VWA8: variants seen among roughly 807,000 people sequenced by gnomAD.
The protein encoded by VWA8 is von Willebrand factor A domain-containing protein 8.
Under a neutral mutation model 241.5 loss-of-function variants are expected in VWA8, and 221 were observed. The ratio of observed to expected loss-of-function variants is 0.91; its 90% confidence interval spans 0.82 to 1.02. The LOEUF is 1.02. VWA8 is among the 50% of genes least tolerant of loss of function. The probability of loss-of-function intolerance (pLI) is 0.00; values close to 1 mark genes in which losing one functional copy is unlikely to be tolerated. For synonymous variants in VWA8, 852 were observed against 827.1 expected (o/e 1.03, Z -0.52); for missense variants, 2,322 against 2,328.7 (o/e 1.00, Z 0.06).
intron 40 of VWA8, among the ~76,000 whole-genome samples, chr13:41,602,494 T>G (rs937174767): frequency 3.3e-5 from 5 of 152,250 alleles, no homozygotes; most frequent in African/African-American, 9.6e-5. Flanking sequence ...ATTATGAGAA[T>G]TGACACAATG....
At chr13:41,813,269 CAGAA>C (rs753887574) in intron 16 of VWA8, among the ~76,000 whole-genome samples, 5 of 152,082 alleles carry the variant, frequency 3.3e-5, no homozygotes, top group African/African-American at 4.8e-5. Context: ...AGACAGGAAA[CAGAA>C]AGCTACTTCA....
chr13:41,657,029 G>A (rs141201664), intron 37 of VWA8, among the ~76,000 whole-genome samples: 1 of 152,198 alleles, frequency 6.6e-6, no homozygotes, highest in East Asian at 1.9e-4. Context: ...ATCAAAGTAT[G>A]CCATCCCTTT....
At chr13:41,805,454 C>G (rs1256257860) in intron 17 of VWA8, among the ~76,000 whole-genome samples, 1 of 151,870 alleles carries the variant, frequency 6.6e-6, no homozygotes, top group East Asian at 1.9e-4. Flanking sequence ...AGAGATAAAC[C>G]CCAATACAAT....
intron 37 of VWA8, among the ~76,000 whole-genome samples, chr13:41,665,287 CA>C: frequency 6.6e-6 from 1 of 152,090 alleles, no homozygotes; most frequent in Non-Finnish European, 1.5e-5. Context: ...TACTGTATTT[CA>C]TTCTTACAAC....
chr13:41,585,017 T>C (rs1222980179), intron 42 of VWA8, among the ~76,000 whole-genome samples: 1 of 152,060 alleles, frequency 6.6e-6, no homozygotes, highest in Non-Finnish European at 1.5e-5. Context: ...GTTTGTAATT[T>C]CGCGGAATTT....
At position 41,907,565 on chromosome 13, in the gene VWA8, C is replaced by T. The variant is rs1875778758; in HGVS notation, c.483+21G>A. 6.2e-6 allele frequency: 10 copies of T among 1,606,560 alleles called. No individual in the cohort carries two copies. The African/African-American group carries it at 6.7e-5, about 11-fold the overall frequency. On this transcript the variant is annotated intron_variant, in intron 4 of 44. Coordinates refer to ENST00000379310, the MANE Select transcript of VWA8 (RefSeq NM_015058.2). ...TAGACCTGGAGTACACAGTCATGGG[C>T]TAGAGTGTGACAGAACTTGCCTGAT... is the stretch of plus-strand genomic sequence containing the variant.
rs1868692497 is a variant in VWA8, at chr13:41,778,039, T to C, written c.2295A>G (p.Glu765=). The C allele has an allele frequency of 6.2e-7, 1 of 1,612,030 alleles. No individual in the cohort carries two copies. The highest frequency in any genetic ancestry group is 1.1e-5 in the South Asian group (1 of 90,756). ...CAAGGAGAAAGTCTTTCAGCATATC[T>C]TCCATCACTATCACATGCTAGAGAA... is the stretch of plus-strand genomic sequence containing the variant. ...YDNIQHVIVM[E]DMLKDFLLGE... is the part of the protein sequence containing the mutation. Residue 765 remains glutamate (E), a synonymous_variant, in exon 20 of 45, where the codon GAA becomes GAG. Coordinates refer to ENST00000379310, the MANE Select transcript of VWA8 (RefSeq NM_015058.2).
intron 37 of VWA8, among the ~76,000 whole-genome samples, chr13:41,630,018 G>A (rs1468457541): frequency 6.6e-6 from 1 of 152,110 alleles, no homozygotes; most frequent in Non-Finnish European, 1.5e-5. Flanking sequence ...ACCTCAGTGG[G>A]CATTTCTATT....
rs745573136 is a variant in VWA8 at position 41,570,712 on chromosome 13, G to A, written c.5371-6C>T. 1 of 1,605,526 alleles carries A rather than the reference G, an allele frequency of 6.2e-7. No homozygotes were observed. Among genetic ancestry groups the A allele is most frequent in the African/African-American group, 1.3e-5 (1 of 74,778 alleles). ...TGAGAGTGGGCATGCATTGTCTGGA[G>A]GTAAAAGAAGTTGCACAAAAGCCAT... On this transcript the variant is annotated splice_polypyrimidine_tract_variant and splice_region_variant and intron_variant, in intron 43 of 44. Coordinates refer to ENST00000379310, the MANE Select transcript of VWA8 (RefSeq NM_015058.2).
At chr13:41,571,235 G>C (rs781654686) in intron 43 of VWA8, among the ~76,000 whole-genome samples, 14 of 151,560 alleles carry the variant, frequency 9.2e-5, no homozygotes, top group Non-Finnish European at 1.6e-4. Flanking sequence ...CGGTCATTCT[G>C]CTTACCAATG....
chr13:41,573,486 A>AATAAATAAATATATATATATAT (rs1555303591), intron 43 of VWA8, among the ~76,000 whole-genome samples: 2 of 113,614 alleles, frequency 1.8e-5, no homozygotes, highest in African/African-American at 6.9e-5. Context: ...AAAAAAAAAA[A>AATAAATAAATATATATATATAT]ATATATATAT....
chr13:41,763,760 GA>G (rs2045759864), intron 20 of VWA8, among the ~76,000 whole-genome samples: 1 of 152,178 alleles, frequency 6.6e-6, no homozygotes, highest in South Asian at 2.1e-4. Context: ...GAAATGTCAT[GA>G]AAATGTGCTA....
chr13:41,695,199 C>T (rs2045208705), intron 29 of VWA8, among the ~76,000 whole-genome samples: 1 of 152,052 alleles, frequency 6.6e-6, no homozygotes, highest in Non-Finnish European at 1.5e-5. Context: ...ACCTCAATGT[C>T]CCTAAATCTG....
chr13:41,760,791 A>G (rs996025779), intron 21 of VWA8, among the ~76,000 whole-genome samples: 17 of 152,042 alleles, frequency 1.1e-4, no homozygotes, highest in Admixed American at 1.1e-3. Flanking sequence ...CTTGTGAGCT[A>G]TTTTAGCTGC....
In VWA8 at chr13:41,892,458, T is replaced by C. The variant is rs141935423; in HGVS notation, c.484-871A>G. On this transcript the variant is annotated intron_variant, in intron 4 of 44. Transcript: ENST00000379310. ...CATTAGTCTCCATGGCACTGCATTG[T>C]CCTAGGAAAATTGTTTTGTCTTCTG... 1.5e-3 allele frequency among the ~76,000 whole-genome samples: 229 copies of C among 152,296 alleles called. 2 individuals carry two copies. The highest frequency in any genetic ancestry group is 5.4e-3 in the African/African-American group (223 of 41,562).
intron 20 of VWA8, among the ~76,000 whole-genome samples, chr13:41,762,143 T>G (rs1463811988): frequency 6.6e-6 from 1 of 152,040 alleles, no homozygotes; most frequent in Non-Finnish European, 1.5e-5. Flanking sequence ...GCACTTCAGA[T>G]TTTGGATTTT....
At chr13:41,669,593 A>G (rs1166590184) in intron 37 of VWA8, among the ~76,000 whole-genome samples, 1 of 152,212 alleles carries the variant, frequency 6.6e-6, no homozygotes, top group African/African-American at 2.4e-5. Context: ...ATGATTAGTA[A>G]AAGTCCTTTG....
chr13:41,826,696 T>C (rs555848745), intron 14 of VWA8, among the ~76,000 whole-genome samples: 25 of 151,840 alleles, frequency 1.6e-4, no homozygotes, highest in African/African-American at 5.8e-4. Flanking sequence ...ACAGTGAGAC[T>C]GCTCCAAAAA....
chr13:41,925,822 A>G (rs1383059286), intron 2 of VWA8: 1 of 275,110 alleles, frequency 3.6e-6, no homozygotes, highest in Non-Finnish European at 7.5e-6. Context: ...CCAAATCAAC[A>G]CTACAAGATC....
Sources: allele counts gnomAD v4.1 joint callset (sites outside exome capture counted in the v4.1 genomes callset), GRCh38; gene constraint gnomAD v4.1.1; transcripts MANE v1.5; gene names NCBI Gene and HGNC (gene_info 2026-07-23, HGNC 2026-07-21).